Variants in HMGCLL1 observed in about 807,000 individuals in gnomAD.
HMGCLL1 encodes the protein 3-hydroxymethyl-3-methylglutaryl-CoA lyase, cytoplasmic.
Under a neutral mutation model 39.1 loss-of-function variants are expected in HMGCLL1, and 36 were observed. The observed-to-expected ratio is 0.92, with a 90% confidence interval of 0.71 to 1.22. The LOEUF is 1.22. Among genes scored for constraint, HMGCLL1 ranks in the 50% most tolerant of loss-of-function variants. The pLI, the probability that HMGCLL1 is intolerant of heterozygous loss-of-function variation, is 0.00. For missense variants in HMGCLL1, 451 were observed against 416.5 expected (o/e 1.08, Z -0.72); for synonymous variants, 149 against 144.0 (o/e 1.03, Z -0.25).
intron 1 of HMGCLL1, among the ~76,000 whole-genome samples, chr6:55,552,751 A>C (rs1770413874): frequency 6.6e-6 from 1 of 151,978 alleles, no homozygotes; most frequent in Non-Finnish European, 1.5e-5. Context: ...TTTGAAGGAG[A>C]TACCCTAGTT....
intron 7 of HMGCLL1, among the ~76,000 whole-genome samples, chr6:55,475,646 C>A (rs1360506553): frequency 6.6e-6 from 1 of 151,634 alleles, no homozygotes; most frequent in African/African-American, 2.4e-5. Context: ...AGCAGAAAAT[C>A]CTAATTGTAA....
chr6:55,599,114 G>A, the HMGCLL1 span, among the ~76,000 whole-genome samples: 1 of 152,050 alleles, frequency 6.6e-6, no homozygotes, highest in Non-Finnish European at 1.5e-5. Context: ...GGCCTGTCGG[G>A]GGTTGCGGGG....
the HMGCLL1 span, among the ~76,000 whole-genome samples, chr6:55,647,361 G>A: frequency 8.8e-4 from 134 of 151,948 alleles, no homozygotes; most frequent in Middle Eastern, 0.01. Flanking sequence ...GGCACTCTAT[G>A]TCTTGACTGA....
the HMGCLL1 span, among the ~76,000 whole-genome samples, chr6:55,590,710 C>A: frequency 6.6e-6 from 1 of 151,906 alleles, no homozygotes; most frequent in African/African-American, 2.4e-5. Context: ...GTAAAATGAT[C>A]TTTTTTATTT....
the HMGCLL1 span, among the ~76,000 whole-genome samples, chr6:55,650,134 TACACACAC>T: frequency 0.034 from 1,816 of 52,968 alleles, 94 homozygotes; most frequent in East Asian, 0.069. Context: ...TATATATATA[TACACACAC>T]ACACACATAT....
intron 1 of HMGCLL1, among the ~76,000 whole-genome samples, chr6:55,566,877 A>C (rs904460516): frequency 2.6e-5 from 4 of 152,140 alleles, no homozygotes; most frequent in Non-Finnish European, 4.4e-5. Context: ...CTACTCAAAG[A>C]TATATTTGAT....
chr6:55,485,304 G>C (rs934977467), intron 7 of HMGCLL1, among the ~76,000 whole-genome samples: 9 of 151,694 alleles, frequency 5.9e-5, no homozygotes, highest in African/African-American at 1.2e-4. Flanking sequence ...TCTATATTAG[G>C]CGTGTGTGTG....
chr6:55,470,681 C>T (rs183565125), intron 7 of HMGCLL1, among the ~76,000 whole-genome samples: 1 of 151,820 alleles, frequency 6.6e-6, no homozygotes, highest in Admixed American at 6.6e-5. Context: ...TTTCACACTG[C>T]TATAAAATAC....
intron 1 of HMGCLL1, among the ~76,000 whole-genome samples, chr6:55,565,162 T>C (rs1056044557): frequency 2.2e-4 from 33 of 152,234 alleles, no homozygotes; most frequent in Admixed American, 2.0e-3. Flanking sequence ...GTGAAAAACA[T>C]TCACGCTTTG....
intron 5 of HMGCLL1, among the ~76,000 whole-genome samples, chr6:55,499,854 T>G (rs1766783279): frequency 6.6e-6 from 1 of 151,850 alleles, no homozygotes; most frequent in African/African-American, 2.4e-5. Flanking sequence ...AACAGAAGAG[T>G]GTCTAGTGTG....
At chr6:55,618,401 T>C in the HMGCLL1 span, among the ~76,000 whole-genome samples, 3 of 151,800 alleles carry the variant, frequency 2.0e-5, no homozygotes, top group African/African-American at 7.2e-5. Context: ...AAAATTATTC[T>C]CTAGTGGACT....
chr6:55,556,799 G>A (rs535552324), intron 1 of HMGCLL1, among the ~76,000 whole-genome samples: 2 of 152,174 alleles, frequency 1.3e-5, no homozygotes, highest in South Asian at 2.1e-4. Flanking sequence ...AAGTGGAGAC[G>A]CTGAGAGTAC....
chr6:55,597,712 G>A, the HMGCLL1 span, among the ~76,000 whole-genome samples: 1 of 152,052 alleles, frequency 6.6e-6, no homozygotes, highest in Non-Finnish European at 1.5e-5. Context: ...AGGGCTTAAA[G>A]TTCCAAGTAA....
At chr6:55,638,338 C>T in the HMGCLL1 span, among the ~76,000 whole-genome samples, 4 of 149,946 alleles carry the variant, frequency 2.7e-5, no homozygotes, top group African/African-American at 9.9e-5. Context: ...ACCCTGGAGG[C>T]ATAGGTTGCA....
At chr6:55,603,085 C>G in the HMGCLL1 span, among the ~76,000 whole-genome samples, 2 of 151,970 alleles carry the variant, frequency 1.3e-5, no homozygotes, top group African/African-American at 4.8e-5. Context: ...ATGATATCAC[C>G]TGTTATTTCT....
At chr6:55,539,859 G>GAAGAAAGAAAGAAAGA (rs376526008) in intron 3 of HMGCLL1, among the ~76,000 whole-genome samples, 122 of 62,836 alleles carry the variant, frequency 1.9e-3, no homozygotes, top group Middle Eastern at 0.01. Context: ...AAAGAAAGAG[G>GAAGAAAGAAAGAAAGA]AAGAAAGAAA....
At chr6:55,633,447 T>G in the HMGCLL1 span, among the ~76,000 whole-genome samples, 1 of 151,446 alleles carries the variant, frequency 6.6e-6, no homozygotes, top group African/African-American at 2.4e-5. Context: ...GATTAAACAT[T>G]GAAATGAGAA....
chr6:55,571,477 G>T (rs966621524), intron 1 of HMGCLL1, among the ~76,000 whole-genome samples: 3 of 152,160 alleles, frequency 2.0e-5, no homozygotes, highest in Non-Finnish European at 2.9e-5. Context: ...GGTGAGTGAG[G>T]CTGATAGATT....
chr6:55,571,136 A>T (rs1436756739), intron 1 of HMGCLL1, among the ~76,000 whole-genome samples: 2 of 152,340 alleles, frequency 1.3e-5, no homozygotes, highest in East Asian at 3.9e-4. Context: ...CAGCCAAACC[A>T]TGTCAAATAC....
Sources: allele counts gnomAD v4.1 joint callset (sites outside exome capture counted in the v4.1 genomes callset), GRCh38; gene constraint gnomAD v4.1.1; transcripts MANE v1.5; gene names NCBI Gene and HGNC (gene_info 2026-07-23, HGNC 2026-07-21).